TMEM196: variants seen among roughly 807,000 people sequenced by gnomAD.
TMEM196 encodes the protein transmembrane protein 196.
In TMEM196, 17 loss-of-function variants were observed where a neutral mutation model predicts 20.0. The ratio of observed to expected loss-of-function variants is 0.85; its 90% CI spans 0.58 to 1.27. The LOEUF (loss-of-function observed/expected upper bound fraction) is 1.27. TMEM196 is among the 50% of genes most tolerant of loss of function. TMEM196 has a pLI of 0.00. For missense variants in TMEM196, 267 were observed against 223.0 expected (o/e 1.20, Z -1.26); for synonymous variants, 113 against 88.9 (o/e 1.27, Z -1.52).
At position 19,772,781 on chromosome 7, in the gene TMEM196, C is replaced by T. The variant is rs1397414981; in HGVS notation, c.-85G>A. The T allele has an allele frequency of 1.6e-6, 2 of 1,256,688 alleles. No homozygotes were observed. Among genetic ancestry groups the T allele is most frequent in the Non-Finnish European group, 2.1e-6 (2 of 974,742 alleles). The allele number at this position is 1,256,688 out of a possible 1,614,324, so 77.8% of individuals were successfully genotyped here. On this transcript the variant is annotated 5_prime_UTR_variant, in exon 1 of 5. Coordinates refer to ENST00000405844, the MANE Select transcript of TMEM196 (RefSeq NM_001363562.2). Reference sequence around the variant, plus strand: ...CTTCCACTATCCTCCTTACCCCTTCCACCCCCTACCAGATCCCAAAACTTT... The same window carrying T: ...CTTCCACTATCCTCCTTACCCCTTCTACCCCCTACCAGATCCCAAAACTTT...
chr7:19,745,052 G>A (rs1200399263), intron 1 of TMEM196, among the ~76,000 whole-genome samples: 1 of 151,996 alleles, frequency 6.6e-6, no homozygotes, highest in East Asian at 1.9e-4. Context: ...GAAACCTGAT[G>A]ATGCACAAGT....
At chr7:19,763,195 AT>A (rs1489296561) in intron 1 of TMEM196, among the ~76,000 whole-genome samples, 1 of 152,124 alleles carries the variant, frequency 6.6e-6, no homozygotes, top group Non-Finnish European at 1.5e-5. Context: ...TTAGTCTCTC[AT>A]CCCTTAAGTG....
In TMEM196 at chr7:19,772,530, A is replaced by G; in HGVS notation, c.147+20T>C. The stretch of plus-strand genomic sequence containing the variant: ...AAGAGAGAGTGAAATGGCTCAACGT[A>G]CACACACCCCGCTCCATACCGGGGA... On this transcript the variant is annotated intron_variant, in intron 1 of 4. Coordinates refer to ENST00000405844, the MANE Select transcript of TMEM196 (RefSeq NM_001363562.2). The G allele has an allele frequency of 6.5e-7, 1 of 1,530,828 alleles. No individual in the cohort carries two copies. The highest frequency in any genetic ancestry group is 1.2e-5 in the South Asian group (1 of 81,762). The allele number at this position is 1,530,828 out of a possible 1,614,324, so 94.8% of individuals were successfully genotyped here. A position where few individuals can be genotyped will look rare whatever the true frequency, so the allele number is the denominator to read the frequency against.
chr7:19,725,257 G>A (rs910654099), intron 3 of TMEM196, among the ~76,000 whole-genome samples: 1 of 152,130 alleles, frequency 6.6e-6, no homozygotes, highest in Non-Finnish European at 1.5e-5. Context: ...CATATTTATA[G>A]GGTATTCAAT....
chr7:19,729,770 T>G (rs1263074735), intron 1 of TMEM196, among the ~76,000 whole-genome samples: 1 of 152,184 alleles, frequency 6.6e-6, no homozygotes, highest in Non-Finnish European at 1.5e-5. Flanking sequence ...AAAAGTGGTG[T>G]GATACATTCA....
In TMEM196 at chr7:19,725,936, G is replaced by A. The variant is rs371516694; in HGVS notation, c.205-168C>T. On this transcript the variant is annotated intron_variant, in intron 2 of 4. Coordinates refer to ENST00000405844, the MANE Select transcript of TMEM196 (RefSeq NM_001363562.2). The stretch of plus-strand genomic sequence containing the variant: ...GATTTTTTTTTTACATTTTATTTTT[G>A]CCAAGTTTCTATTCACTCTGACTCA... Among the ~76,000 whole-genome samples, 181 of 151,904 alleles carry A rather than the reference G, an allele frequency of 1.2e-3. 1 individual carries two copies. The highest frequency in any genetic ancestry group is 4.2e-3 in the African/African-American group (172 of 41,388).
Position 19,720,931 on chromosome 7 carries a change from A to G in TMEM196, c.*1197T>C, listed in dbSNP as rs997282292. 3.9e-5 allele frequency: 6 copies of G among 151,952 alleles called. No individual in the cohort carries two copies. The highest frequency in any genetic ancestry group is 3.9e-4 in the Admixed American group (6 of 15,232). 9.4% of individuals were successfully genotyped at this position (151,952 alleles called of 1,614,324 possible). A position where few individuals can be genotyped will look rare whatever the true frequency, so the allele number is the denominator to read the frequency against. On this transcript the variant is annotated 3_prime_UTR_variant, in exon 5 of 5. Coordinates refer to ENST00000405844, the MANE Select transcript of TMEM196 (RefSeq NM_001363562.2). The stretch of plus-strand genomic sequence containing the variant: ...ACTGCAAGGTGTTTGAAATATCAAT[A>G]TCATCAATAATTTTAAGTCATGATA...
At chr7:19,737,358 AC>A (rs1292344190) in intron 1 of TMEM196, among the ~76,000 whole-genome samples, 2 of 152,060 alleles carry the variant, frequency 1.3e-5, no homozygotes, top group African/African-American at 4.8e-5. Context: ...TTCATTTGCT[AC>A]ATATAGGAAT....
intron 1 of TMEM196, among the ~76,000 whole-genome samples, chr7:19,757,336 G>GC (rs1785259206): frequency 3.4e-5 from 3 of 89,170 alleles, no homozygotes; most frequent in South Asian, 3.7e-4. Context: ...ACCACACCCA[G>GC]CTTTTTTTTT....
chr7:19,725,664 C>G lies in TMEM196; in HGVS notation c.309G>C (p.Leu103=). ...ACGCGAGAGACATGGAGGCAAGGTG[C>G]AGTGGGTATAGGGAGGAAGTTTTCT... ...VTKKTSSLYP[L]HLASMSLACI... The change falls in exon 3 of 5, where the codon CTG becomes CTC. Residue 103 remains leucine (L), a synonymous_variant. Transcript: ENST00000405844. 1 of 1,614,096 alleles carries G rather than the reference C, an allele frequency of 6.2e-7. No individual in the cohort carries two copies. Among genetic ancestry groups the G allele is most frequent in the Non-Finnish European group, 8.5e-7 (1 of 1,179,986 alleles).
intron 1 of TMEM196, among the ~76,000 whole-genome samples, chr7:19,746,354 A>T (rs2128027232): frequency 6.6e-6 from 1 of 152,334 alleles, no homozygotes; most frequent in Admixed American, 6.5e-5. Context: ...AAGAAGTTGA[A>T]GTAGAATCCT....
At chr7:19,751,686 A>C (rs927289850) in intron 1 of TMEM196, among the ~76,000 whole-genome samples, 1 of 152,226 alleles carries the variant, frequency 6.6e-6, no homozygotes, top group African/African-American at 2.4e-5. Flanking sequence ...TTATTATTAA[A>C]ATTTTATAAC....
At chr7:19,735,305 G>T (rs1251607465) in intron 1 of TMEM196, among the ~76,000 whole-genome samples, 2 of 152,034 alleles carry the variant, frequency 1.3e-5, no homozygotes, top group East Asian at 3.9e-4. Context: ...TAAATAATTC[G>T]AATAAAGTCA....
intron 1 of TMEM196, among the ~76,000 whole-genome samples, chr7:19,730,739 T>C (rs1381414396): frequency 6.6e-6 from 1 of 152,150 alleles, no homozygotes; most frequent in Non-Finnish European, 1.5e-5. Context: ...AGAAAATCTG[T>C]TAAAAAGCAA....
At chr7:19,762,307 G>A (rs10260527) in intron 1 of TMEM196, among the ~76,000 whole-genome samples, 41,735 of 151,618 alleles carry the variant, frequency 0.28, 7,884 homozygotes, top group East Asian at 0.62. Flanking sequence ...CAAATATAAT[G>A]AATAAATAAA....
At chr7:19,728,121 C>T (rs1024115510) in intron 2 of TMEM196, among the ~76,000 whole-genome samples, 1 of 152,006 alleles carries the variant, frequency 6.6e-6, no homozygotes, top group Non-Finnish European at 1.5e-5. Context: ...GCCACTATTG[C>T]CTTTGTATAA....
intron 2 of TMEM196, among the ~76,000 whole-genome samples, chr7:19,727,932 A>G (rs538112123): frequency 6.6e-6 from 1 of 152,230 alleles, no homozygotes; most frequent in Non-Finnish European, 1.5e-5. Context: ...TTTTTTTTTA[A>G]TTTCATTAAA....
intron 1 of TMEM196, among the ~76,000 whole-genome samples, chr7:19,735,730 T>C (rs1314272234): frequency 6.6e-6 from 1 of 152,118 alleles, no homozygotes; most frequent in Admixed American, 6.6e-5. Context: ...ACTGATAGGA[T>C]TATAAAAGAT....
At position 19,725,532 on chromosome 7, in the gene TMEM196, A is replaced by C; in HGVS notation, c.441T>G (p.Ser147=). The part of the protein sequence containing the change: ...FSEREHSLHH[S]HEMAEKRLRA... ...AACTCACTTTCTCAGCCATTTCATG[A>C]GAGTGATGCAGGGAATGCTCCCTTT... is the stretch of plus-strand genomic sequence containing the variant. The change falls in exon 3 of 5, where the codon TCT becomes TCG. Residue 147 remains serine (S), a synonymous_variant. Transcript: ENST00000405844. The C allele has an allele frequency of 6.2e-7, 1 of 1,609,668 alleles. No homozygotes were observed. Among genetic ancestry groups the C allele is most frequent in the Non-Finnish European group, 8.5e-7 (1 of 1,176,190 alleles).
Sources: allele counts gnomAD v4.1 joint callset (sites outside exome capture counted in the v4.1 genomes callset), GRCh38; gene constraint gnomAD v4.1.1; transcripts MANE v1.5; gene names NCBI Gene and HGNC (gene_info 2026-07-23, HGNC 2026-07-21).